PTER: variants seen among roughly 807,000 people sequenced by gnomAD.
The protein encoded by PTER is N-acetyltaurine hydrolase.
Under a neutral mutation model 29.6 loss-of-function variants are expected in PTER, and 38 were observed. The ratio of observed to expected loss-of-function variants is 1.28; its 90% confidence interval spans 0.99 to 1.68. The LOEUF is 1.68. Ranked by LOEUF, PTER falls within the 40% of genes most tolerant of loss-of-function variation. PTER has a pLI of 0.00. For missense variants in PTER, 482 were observed against 427.8 expected, an observed-to-expected ratio of 1.13 and a Z score of -1.12; for synonymous variants, 172 against 154.5, an observed-to-expected ratio of 1.11 and a Z score of -0.84.
At chr10:16,457,682 C>G (rs764609125) in intron 1 of PTER, among the ~76,000 whole-genome samples, 3 of 152,100 alleles carry the variant, frequency 2.0e-5, no homozygotes, top group African/African-American at 4.8e-5. Context: ...TCACTGCAAC[C>G]GCTGCCTCCC....
intron 1 of PTER, chr10:16,475,865 T>G (rs1835241236): frequency 6.6e-6 from 1 of 152,174 alleles, no homozygotes; most frequent in Admixed American, 6.5e-5. Context: ...ATAAGCAAAT[T>G]ACAGCTTCAG....
intron 3 of PTER, among the ~76,000 whole-genome samples, chr10:16,489,865 G>A (rs1467238223): frequency 6.6e-6 from 1 of 152,112 alleles, no homozygotes; most frequent in African/African-American, 2.4e-5. Context: ...ACCCACACAG[G>A]TGCTATGAGT....
chr10:16,514,597 G>A (rs138237084), downstream of PTER: 88 of 1,613,730 alleles, frequency 5.5e-5, no homozygotes, highest in African/African-American at 9.6e-4. Context: ...GGGCTTTCCC[G>A]CCATCTAATT....
rs1038434052 is a variant in PTER, at chr10:16,511,218, C to G, written c.1012C>G (p.Leu338Val). ...GITENVLDKI[L>V]IENPKQWLTF... ...AACTGAGAATGTGCTTGATAAGATT[C>G]TAATAGAGAACCCTAAGCAATGGCT... The change falls in exon 5 of 5, where the codon CTA (leucine) becomes GTA (valine). Residue 338 changes from leucine (L) to valine (V), a missense_variant. Leu to Val is a conservative substitution (Grantham distance 32, BLOSUM62 1). Coordinates refer to ENST00000535784, the MANE Select transcript of PTER (RefSeq NM_001261836.2). 6.2e-7 allele frequency: 1 copy of G among 1,614,090 alleles called. No individual in the cohort carries two copies. Among genetic ancestry groups the G allele is most frequent in the Non-Finnish European group, 8.5e-7 (1 of 1,179,960 alleles).
chr10:16,475,942 C>T (rs1835244124), intron 1 of PTER: 1 of 152,128 alleles, frequency 6.6e-6, no homozygotes, highest in South Asian at 2.1e-4. Context: ...GCTGATTTGT[C>T]CAAGGATACT....
chr10:16,471,321 T>C (rs890961792), intron 1 of PTER, among the ~76,000 whole-genome samples: 2 of 152,246 alleles, frequency 1.3e-5, no homozygotes, highest in Admixed American at 6.5e-5. Flanking sequence ...AAAATGTATA[T>C]GTTACTATTT....
intron 1 of PTER, among the ~76,000 whole-genome samples, chr10:16,469,673 C>T (rs985562001): frequency 6.6e-6 from 1 of 152,154 alleles, no homozygotes; most frequent in African/African-American, 2.4e-5. Context: ...AGTCCAGGCT[C>T]AAGTGATCCT....
At chr10:16,468,332 A>G (rs1376971552) in intron 1 of PTER, among the ~76,000 whole-genome samples, 1 of 151,442 alleles carries the variant, frequency 6.6e-6, no homozygotes, top group Non-Finnish European at 1.5e-5. Context: ...ACAGAGCAAA[A>G]CTCCATCTCA....
At chr10:16,493,710 A>G (rs966832186) in intron 3 of PTER, among the ~76,000 whole-genome samples, 5 of 152,060 alleles carry the variant, frequency 3.3e-5, no homozygotes, top group Admixed American at 1.3e-4. Flanking sequence ...GGCAGAAAGG[A>G]TGGAAGGAAG....
chr10:16,458,447 C>A (rs889858082), intron 1 of PTER, among the ~76,000 whole-genome samples: 1 of 152,158 alleles, frequency 6.6e-6, no homozygotes, highest in Non-Finnish European at 1.5e-5. Flanking sequence ...ACTAATTCAA[C>A]CCTGCAGGGA....
intron 4 of PTER, among the ~76,000 whole-genome samples, chr10:16,507,528 G>C (rs1258154827): frequency 6.6e-6 from 1 of 152,188 alleles, no homozygotes; most frequent in Non-Finnish European, 1.5e-5. Context: ...GGAAGATCTT[G>C]AGCCAGTGGT....
rs1393387962 is a variant in PTER, at chr10:16,512,447, T to C, written c.*1191T>C. On this transcript the variant is annotated 3_prime_UTR_variant, in exon 5 of 5. Coordinates refer to ENST00000535784, the MANE Select transcript of PTER (RefSeq NM_001261836.2). ...ATTGCAATTCATTTATGAGTTATCTTACATATCACAAAGACCAATTAGAAT... is the reference window on the plus strand; with the variant it reads ...ATTGCAATTCATTTATGAGTTATCTCACATATCACAAAGACCAATTAGAAT... The C allele has an allele frequency of 6.6e-6, 1 of 152,150 alleles. No individual in the cohort carries two copies. The highest frequency in any genetic ancestry group is 1.5e-5 in the Non-Finnish European group (1 of 68,008). The allele number at this position is 152,150 out of a possible 1,614,324, so 9.4% of individuals were successfully genotyped here.
chr10:16,448,252 C>G (rs560383480), intron 1 of PTER, among the ~76,000 whole-genome samples: 1 of 152,350 alleles, frequency 6.6e-6, no homozygotes, highest in Admixed American at 6.5e-5. Context: ...CCACTGACAA[C>G]TTGGGCACCA....
chr10:16,459,814 C>T (rs1834544303), intron 1 of PTER, among the ~76,000 whole-genome samples: 2 of 152,170 alleles, frequency 1.3e-5, no homozygotes, highest in African/African-American at 4.8e-5. Flanking sequence ...AATGCACCAT[C>T]TTGGCTCACC....
chr10:16,498,157 T>C (rs1009014251), intron 3 of PTER, among the ~76,000 whole-genome samples: 1 of 152,236 alleles, frequency 6.6e-6, no homozygotes, highest in Non-Finnish European at 1.5e-5. Context: ...ATGGGACTTT[T>C]CTTCAGTGTG....
At chr10:16,517,876 C>A (rs144102468), downstream of PTER, among the ~76,000 whole-genome samples, 6 of 152,278 alleles carry the variant, frequency 3.9e-5, no homozygotes, top group African/African-American at 1.4e-4. Flanking sequence ...AGTGGCACAT[C>A]AGGTTAATTT....
downstream of PTER, among the ~76,000 whole-genome samples, chr10:16,517,868 T>G (rs1183357725): frequency 6.6e-6 from 1 of 152,214 alleles, no homozygotes; most frequent in African/African-American, 2.4e-5. Flanking sequence ...AAAGGTTAAG[T>G]GGCACATCAG....
At chr10:16,438,039 G>A (rs1564380533) in intron 1 of PTER, among the ~76,000 whole-genome samples, 2 of 151,976 alleles carry the variant, frequency 1.3e-5, no homozygotes, top group East Asian at 1.9e-4. Context: ...ACAGAGTCTC[G>A]CCCTTGCCCA....
At chr10:16,505,432 C>G (rs978439584) in intron 4 of PTER, among the ~76,000 whole-genome samples, 1 of 152,076 alleles carries the variant, frequency 6.6e-6, no homozygotes, top group Admixed American at 6.6e-5. Flanking sequence ...AATACCCAAC[C>G]CCTGCCATGA....
Sources: gnomAD v4.1 joint callset for allele counts (sites outside exome capture counted in the v4.1 genomes callset) on GRCh38, gnomAD v4.1.1 for gene constraint, MANE v1.5 for transcripts, NCBI Gene and HGNC (gene_info 2026-07-23, HGNC 2026-07-21) for gene names.